Variants in RSRC1 observed in about 807,000 individuals in gnomAD.
RSRC1 encodes serine/Arginine-related protein 53.
In RSRC1, 39 loss-of-function variants were observed where a neutral mutation model predicts 49.1. The ratio of observed to expected loss-of-function variants is 0.79; its 90% CI spans 0.61 to 1.04. The LOEUF is 1.04. RSRC1 is among the 50% of genes least tolerant of loss of function. RSRC1 has a pLI of 0.00. For missense variants in RSRC1, 388 were observed against 402.4 expected, an observed-to-expected ratio of 0.96 and a Z score of 0.31; for synonymous variants, 143 against 130.8, an observed-to-expected ratio of 1.09 and a Z score of -0.63.
intron 3 of RSRC1, among the ~76,000 whole-genome samples, chr3:158,126,704 T>A (rs1715649160): frequency 6.6e-6 from 1 of 152,182 alleles, no homozygotes; most frequent in Non-Finnish European, 1.5e-5. Context: ...TTTGTGTTGC[T>A]GTCTAGTGTC....
At chr3:158,308,102 A>G (rs1176656597) in intron 5 of RSRC1, among the ~76,000 whole-genome samples, 1 of 151,984 alleles carries the variant, frequency 6.6e-6, no homozygotes, top group African/African-American at 2.4e-5. Flanking sequence ...AGAAGCTGGT[A>G]TGAACATAAA....
At chr3:158,279,735 T>A (rs976001753) in intron 4 of RSRC1, among the ~76,000 whole-genome samples, 1 of 152,236 alleles carries the variant, frequency 6.6e-6, no homozygotes, top group African/African-American at 2.4e-5. Context: ...AAAGTCTTTC[T>A]TATATGCAGT....
chr3:158,136,071 C>A (rs1716352383), intron 3 of RSRC1, among the ~76,000 whole-genome samples: 2 of 152,106 alleles, frequency 1.3e-5, no homozygotes, highest in African/African-American at 4.8e-5. Flanking sequence ...CATAATCACT[C>A]CTTACTTAAT....
intron 6 of RSRC1, among the ~76,000 whole-genome samples, chr3:158,458,029 A>G (rs1737431240): frequency 6.6e-6 from 1 of 152,120 alleles, no homozygotes; most frequent in Non-Finnish European, 1.5e-5. Context: ...GGGTGGGTTT[A>G]CTTTCCAAAA....
chr3:158,352,868 A>G (rs550172362), intron 5 of RSRC1, among the ~76,000 whole-genome samples: 8 of 152,312 alleles, frequency 5.3e-5, no homozygotes, highest in South Asian at 2.1e-4. Flanking sequence ...GCCATTTATC[A>G]TCATAAATGT....
At chr3:158,415,514 T>C (rs1358372376) in intron 6 of RSRC1, among the ~76,000 whole-genome samples, 1 of 152,014 alleles carries the variant, frequency 6.6e-6, no homozygotes, top group Non-Finnish European at 1.5e-5. Context: ...TTCTCGGTGC[T>C]TCATTTTCCT....
chr3:158,470,581 T>G (rs551243787), intron 7 of RSRC1, among the ~76,000 whole-genome samples: 1 of 152,224 alleles, frequency 6.6e-6, no homozygotes, highest in South Asian at 2.1e-4. Context: ...ATAATTTAGT[T>G]GGTGTAAAAT....
intron 7 of RSRC1, among the ~76,000 whole-genome samples, chr3:158,505,821 T>C (rs1739836236): frequency 6.8e-6 from 1 of 147,936 alleles, no homozygotes; most frequent in African/African-American, 2.5e-5. Context: ...ACAGCATTTG[T>C]GAAACCTGTA....
In RSRC1 at chr3:158,202,562, T is replaced by TTTTATATATATATATATATATA. The variant is rs369404609; in HGVS notation, c.321-509_321-508insTTATATATATATATATATATAT. Among the ~76,000 whole-genome samples, 496 of 91,924 alleles carry TTTTATATATATATATATATATA rather than the reference T, an allele frequency of 5.4e-3. 47 individuals are homozygous for TTTTATATATATATATATATATA. Among genetic ancestry groups the TTTTATATATATATATATATATA allele is most frequent in the African/African-American group, 0.011 (215 of 18,910 alleles). The allele number at this position is 91,924 out of a possible 152,430, so 60.3% of individuals were successfully genotyped here. On this transcript the variant is annotated intron_variant, in intron 3 of 9. Coordinates refer to ENST00000611884, the MANE Select transcript of RSRC1 (RefSeq NM_001271838.2). ...TCTGTAGGGTTGTCAGTCTGGTAGATTATATATATATATATATATGTTTTA... is the reference window on the plus strand; with the variant it reads ...TCTGTAGGGTTGTCAGTCTGGTAGATTTTATATATATATATATATATATATATATATATATATATATGTTTTA...
At chr3:158,416,310 G>C (rs751881897) in intron 6 of RSRC1, among the ~76,000 whole-genome samples, 3 of 152,034 alleles carry the variant, frequency 2.0e-5, no homozygotes, top group Non-Finnish European at 4.4e-5. Flanking sequence ...GACTGGGCCT[G>C]TGTCCCCTTC....
intron 4 of RSRC1, among the ~76,000 whole-genome samples, chr3:158,216,634 T>C (rs986838590): frequency 2.0e-5 from 3 of 151,662 alleles, no homozygotes; most frequent in African/African-American, 7.3e-5. Flanking sequence ...AAAAATTGTT[T>C]AAAAAAATTT....
rs563385429 is a variant in RSRC1, at chr3:158,297,335, T to A, written c.495-704T>A. Among the ~76,000 whole-genome samples, 16 of 152,162 alleles carry A rather than the reference T, an allele frequency of 1.1e-4. No homozygotes were observed. The South Asian group carries it at 3.3e-3, about 32-fold the overall frequency. The stretch of plus-strand genomic sequence containing the variant: ...TTTGCTAGATGTACAGATACTTGTA[T>A]TTTCAGTTCCATAAGCAGTCTCTTC... On this transcript the variant is annotated intron_variant, in intron 4 of 9. Coordinates refer to ENST00000611884, the MANE Select transcript of RSRC1 (RefSeq NM_001271838.2).
At chr3:158,460,739 A>C (rs1377787288) in intron 6 of RSRC1, among the ~76,000 whole-genome samples, 196 bp from the exon 7 acceptor site, 1 of 151,914 alleles carries the variant, frequency 6.6e-6, no homozygotes, top group African/African-American at 2.4e-5. Context: ...AGCTTCAAAA[A>C]TTATAAATAA....
intron 7 of RSRC1, among the ~76,000 whole-genome samples, chr3:158,474,830 A>G (rs1329544662): frequency 6.6e-6 from 1 of 152,138 alleles, no homozygotes; most frequent in Non-Finnish European, 1.5e-5. Flanking sequence ...TTCTTATGTC[A>G]TAGTTTGACC....
chr3:158,205,615 A>G (rs1261747654), intron 4 of RSRC1, among the ~76,000 whole-genome samples: 2 of 152,150 alleles, frequency 1.3e-5, no homozygotes, highest in Non-Finnish European at 2.9e-5. Context: ...GGAAAAGTAA[A>G]AAGAGCTGTG....
chr3:158,242,531 A>G (rs1053601140), intron 4 of RSRC1, among the ~76,000 whole-genome samples: 2 of 152,164 alleles, frequency 1.3e-5, no homozygotes, highest in Non-Finnish European at 2.9e-5. Context: ...ATGTATCTTT[A>G]TAATAATGAT....
In RSRC1 at chr3:158,544,222, A is replaced by G; in HGVS notation, c.952A>G (p.Lys318Glu). ...EKADAEEKWF[K>E]RLIALRQERL... is the part of the protein sequence containing the mutation. ...AGCTGATGCTGAGGAAAAATGGTTCAAGAGATTAATTGCTCTCCGACAAGA... is the reference window on the plus strand; with the variant it reads ...AGCTGATGCTGAGGAAAAATGGTTCGAGAGATTAATTGCTCTCCGACAAGA... Residue 318 changes from lysine to glutamate, a missense_variant, in exon 10 of 10, where the codon AAG (lysine) becomes GAG (glutamate). Physicochemically the swap from Lys to Glu is moderately conservative, Grantham distance 56. Coordinates refer to ENST00000611884, the MANE Select transcript of RSRC1 (RefSeq NM_001271838.2). The G allele has an allele frequency of 6.2e-7, 1 of 1,612,888 alleles. No individual in the cohort carries two copies. Among genetic ancestry groups the G allele is most frequent in the Non-Finnish European group, 8.5e-7 (1 of 1,179,506 alleles).
intron 4 of RSRC1, among the ~76,000 whole-genome samples, chr3:158,216,721 C>A (rs1721964810): frequency 6.6e-6 from 1 of 151,532 alleles, no homozygotes; most frequent in African/African-American, 2.4e-5. Context: ...TGGGAATTTC[C>A]ATCCTATTTT....
At position 158,500,896 on chromosome 3, in the gene RSRC1, CT is replaced by C. The variant is rs1739564029; in HGVS notation, c.653-36195del. Among the ~76,000 whole-genome samples, 5 of 151,980 alleles carry C rather than the reference CT, an allele frequency of 3.3e-5. No individual in the cohort carries two copies. In the South Asian group the frequency reaches 1.0e-3, roughly 32 times the overall value. On this transcript the variant is annotated intron_variant, in intron 7 of 9. Coordinates refer to ENST00000611884, the MANE Select transcript of RSRC1 (RefSeq NM_001271838.2). ...GATCTTGGTTATGTCCTTTCTTCTG[CT>C]GAGTTTGGGTTTGTTTTTTTCTTGT...
Sources: allele counts gnomAD v4.1 joint callset (sites outside exome capture counted in the v4.1 genomes callset), GRCh38; gene constraint gnomAD v4.1.1; transcripts MANE v1.5; gene names NCBI Gene and HGNC (gene_info 2026-07-23, HGNC 2026-07-21).